The following FOXP1 variants were observed in gnomAD, a reference collection of about 807,000 sequenced individuals.
FOXP1 encodes forkhead box protein P1.
A neutral mutation model predicts 98.2 loss-of-function variants in FOXP1; 15 were observed. That is an observed-to-expected ratio of 0.15 (90% CI 0.10 to 0.24). The LOEUF is 0.24. FOXP1 is among the 10% of genes least tolerant of loss of function. The pLI, the probability that FOXP1 is intolerant of heterozygous loss-of-function variation, is 1.00. For synonymous variants in FOXP1, 371 were observed against 314.5 expected (o/e 1.18, Z -1.90); for missense variants, 633 against 848.5 (o/e 0.75, Z 3.15).
chr3:71,157,176 C>T (rs948055122), intron 6 of FOXP1, among the ~76,000 whole-genome samples: 1 of 152,138 alleles, frequency 6.6e-6, no homozygotes, highest in African/African-American at 2.4e-5. Flanking sequence ...GTTGATAGGA[C>T]AACCAAACAG....
intron 7 of FOXP1, among the ~76,000 whole-genome samples, chr3:71,062,685 C>A (rs1197512987): frequency 6.6e-6 from 1 of 152,152 alleles, no homozygotes; most frequent in Non-Finnish European, 1.5e-5. Flanking sequence ...AGATAATTGA[C>A]ATGTTATACC....
intron 4 of FOXP1, among the ~76,000 whole-genome samples, chr3:71,352,891 C>A (rs1169512932): frequency 6.6e-6 from 1 of 152,152 alleles, no homozygotes; most frequent in East Asian, 1.9e-4. Flanking sequence ...TACATACATA[C>A]AGATAAACCT....
chr3:71,258,500 C>T (rs1419311900), intron 5 of FOXP1, among the ~76,000 whole-genome samples: 1 of 152,104 alleles, frequency 6.6e-6, no homozygotes, highest in African/African-American at 2.4e-5. Flanking sequence ...AGGTGACACC[C>T]AGATATTTTG....
At chr3:71,469,478 CA>C (rs1358009304) in intron 3 of FOXP1, among the ~76,000 whole-genome samples, 1 of 152,194 alleles carries the variant, frequency 6.6e-6, no homozygotes, top group Non-Finnish European at 1.5e-5. Flanking sequence ...CTCAAACAAA[CA>C]GTTGCAAAAT....
chr3:71,301,867 A>G (rs1470369037), intron 4 of FOXP1, among the ~76,000 whole-genome samples: 1 of 152,224 alleles, frequency 6.6e-6, no homozygotes, highest in Non-Finnish European at 1.5e-5. Flanking sequence ...ACAGAACAAA[A>G]ATAGAAGCTG....
intron 3 of FOXP1, among the ~76,000 whole-genome samples, chr3:71,387,348 C>T (rs2080669489): frequency 6.6e-6 from 1 of 152,230 alleles, no homozygotes; most frequent in Admixed American, 6.5e-5. Context: ...ACTTCATCAC[C>T]TTGAAGTCTT....
At chr3:71,031,136 G>A (rs2046811984) in intron 11 of FOXP1, among the ~76,000 whole-genome samples, 1 of 152,074 alleles carries the variant, frequency 6.6e-6, no homozygotes, top group African/African-American at 2.4e-5. Context: ...CTTTCCTTCT[G>A]CCATAGTACA....
intron 14 of FOXP1, among the ~76,000 whole-genome samples, chr3:70,987,143 C>A (rs1219006879): frequency 6.6e-6 from 1 of 152,180 alleles, no homozygotes; most frequent in East Asian, 1.9e-4. Flanking sequence ...TTAAATTTTA[C>A]AAATCTTAAA....
intron 3 of FOXP1, among the ~76,000 whole-genome samples, chr3:71,449,580 GTTTCC>G (rs1419368449): frequency 6.6e-6 from 1 of 152,124 alleles, no homozygotes; most frequent in Non-Finnish European, 1.5e-5. Flanking sequence ...CTTTGTGAGG[GTTTCC>G]TTTCATCAGC....
rs2046072424 is a variant in FOXP1 at position 71,555,668 on chromosome 3, T to C, written c.-298+25881A>G. ...GATGTTTACAGTGGGTGGAACGTGTTCCAGGGTCCATGCATATAATCAACA... is the reference window on the plus strand; with the variant it reads ...GATGTTTACAGTGGGTGGAACGTGTCCCAGGGTCCATGCATATAATCAACA... On this transcript the variant is annotated intron_variant, in intron 2 of 20. Transcript: ENST00000649528. 2.0e-5 allele frequency among the ~76,000 whole-genome samples: 3 copies of C among 152,326 alleles called. No individual in the cohort carries two copies. In the South Asian group the frequency reaches 6.2e-4, roughly 32 times the overall value.
intron 2 of FOXP1, chr3:71,571,462 T>A (rs1289617479): frequency 6.6e-6 from 1 of 152,214 alleles, no homozygotes; most frequent in Non-Finnish European, 1.5e-5. Context: ...TTGTTTAACA[T>A]CTCTAGTCAT....
At chr3:71,087,130 T>C (rs965492738) in intron 7 of FOXP1, among the ~76,000 whole-genome samples, 2 of 152,192 alleles carry the variant, frequency 1.3e-5, no homozygotes, top group African/African-American at 4.8e-5. Context: ...GCTCTTATAG[T>C]ACCTTGGATT....
intron 6 of FOXP1, among the ~76,000 whole-genome samples, chr3:71,121,335 C>G (rs2058750988): frequency 6.7e-6 from 1 of 148,300 alleles, no homozygotes. Flanking sequence ...ACTTCCCAGC[C>G]AGCAAGGTAA....
chr3:71,235,898 C>A (rs2066730120), intron 5 of FOXP1, among the ~76,000 whole-genome samples: 1 of 152,152 alleles, frequency 6.6e-6, no homozygotes, highest in Non-Finnish European at 1.5e-5. Flanking sequence ...TATACTTACA[C>A]AATACTGTAA....
chr3:71,269,615 A>C (rs1225609879), intron 5 of FOXP1, among the ~76,000 whole-genome samples: 1 of 152,234 alleles, frequency 6.6e-6, no homozygotes, highest in Non-Finnish European at 1.5e-5. Flanking sequence ...ACATGTAAGT[A>C]AATCAAAGCT....
At chr3:71,103,355 C>T (rs745836528) in intron 7 of FOXP1, among the ~76,000 whole-genome samples, 2 of 152,104 alleles carry the variant, frequency 1.3e-5, no homozygotes, top group Non-Finnish European at 2.9e-5. Flanking sequence ...CATCTCTGAC[C>T]CAATAGAAAT....
chr3:71,477,169 C>A (rs986286202), intron 3 of FOXP1, among the ~76,000 whole-genome samples: 8 of 152,168 alleles, frequency 5.3e-5, no homozygotes, highest in African/African-American at 1.7e-4. Flanking sequence ...CACAGCGCCC[C>A]CCAGAAGATC....
intron 2 of FOXP1, among the ~76,000 whole-genome samples, chr3:71,524,062 AC>A (rs766053750): frequency 6.6e-6 from 1 of 152,142 alleles, no homozygotes; most frequent in South Asian, 2.1e-4. Context: ...ACAAGAAACA[AC>A]CTCAATTCAG....
chr3:71,009,007 G>A (rs1186087130), intron 12 of FOXP1, among the ~76,000 whole-genome samples: 1 of 151,922 alleles, frequency 6.6e-6, no homozygotes, highest in Non-Finnish European at 1.5e-5. Flanking sequence ...AACAGTTACA[G>A]CTTATTAATC....
Sources: gnomAD v4.1 joint callset for allele counts (sites outside exome capture counted in the v4.1 genomes callset) on GRCh38, gnomAD v4.1.1 for gene constraint, MANE v1.5 for transcripts, NCBI Gene and HGNC (gene_info 2026-07-23, HGNC 2026-07-21) for gene names.